VWA8: variants seen among roughly 807,000 people sequenced by gnomAD.
VWA8 encodes the protein von Willebrand factor A domain-containing protein 8.
In VWA8, 221 loss-of-function variants were observed where a neutral mutation model predicts 241.5. The ratio of observed to expected loss-of-function variants is 0.91; its 90% CI spans 0.82 to 1.02. The LOEUF (loss-of-function observed/expected upper bound fraction) is 1.02. Among genes scored for constraint, VWA8 ranks in the 50% least tolerant of loss-of-function variants. The probability of loss-of-function intolerance (pLI) is 0.00; values close to 1 mark genes in which losing one functional copy is unlikely to be tolerated. For missense variants in VWA8, 2,322 were observed against 2,328.7 expected, an observed-to-expected ratio of 1.00 and a Z score of 0.06; for synonymous variants, 852 against 827.1, an observed-to-expected ratio of 1.03 and a Z score of -0.52.
chr13:41,912,165 G>A lies in VWA8; in HGVS notation c.245C>T (p.Ser82Leu). 1 of 1,583,920 alleles carries A rather than the reference G, an allele frequency of 6.3e-7. No individual in the cohort carries two copies. The highest frequency in any genetic ancestry group is 1.2e-5 in the South Asian group (1 of 84,584). Residue 82 changes from serine to leucine, a missense_variant, in exon 3 of 45, where the codon TCA becomes TTA. Transcript: ENST00000379310. Reference sequence around the variant, plus strand: ...AACTACAGATTGAGCCAGAGAGTCTGAAACTATAAAGAAAAAAGAGAAAAT... The same window carrying A: ...AACTACAGATTGAGCCAGAGAGTCTAAAACTATAAAGAAAAAAGAGAAAAT... ...NPELVPQNYI[S>L]DSLAQSVVQH... is the part of the protein sequence containing the mutation.
intron 2 of VWA8, among the ~76,000 whole-genome samples, chr13:41,930,878 C>T (rs892110231): frequency 5.9e-5 from 9 of 152,096 alleles, no homozygotes; most frequent in East Asian, 1.9e-4. Flanking sequence ...AGGCCAGGCA[C>T]GGTGGCTCAC....
In VWA8 at chr13:41,864,555, T is replaced by A. The variant is rs572513962; in HGVS notation, c.1425+1181A>T. 3.9e-4 allele frequency: 164 copies of A among 415,786 alleles called. 4 individuals carry two copies. The highest frequency in any genetic ancestry group is 2.8e-3 in the South Asian group (155 of 55,930). 25.8% of individuals were successfully genotyped at this position (415,786 alleles called of 1,614,324 possible). On this transcript the variant is annotated intron_variant, in intron 12 of 44. Coordinates refer to ENST00000379310, the MANE Select transcript of VWA8 (RefSeq NM_015058.2). ...ACATGGATAAATCTTGAAAACATTA[T>A]GGTAAGTAAAATAAACTAGACAAGA...
intron 37 of VWA8, among the ~76,000 whole-genome samples, chr13:41,638,136 G>A (rs1292204135): frequency 1.3e-5 from 2 of 152,176 alleles, no homozygotes; most frequent in Non-Finnish European, 1.5e-5. Flanking sequence ...TGCATCTACA[G>A]AATGAAGGGA....
intron 21 of VWA8, among the ~76,000 whole-genome samples, chr13:41,749,975 T>G (rs1401780876): frequency 6.6e-6 from 1 of 152,022 alleles, no homozygotes; most frequent in African/African-American, 2.4e-5. Flanking sequence ...TATACATATG[T>G]AACAAACCTG....
intron 17 of VWA8, among the ~76,000 whole-genome samples, chr13:41,797,870 G>T (rs1869775457): frequency 6.6e-6 from 1 of 151,974 alleles, no homozygotes; most frequent in African/African-American, 2.4e-5. Context: ...ATCTCTAACT[G>T]TTATCTGGAA....
intron 37 of VWA8, among the ~76,000 whole-genome samples, chr13:41,663,781 A>T (rs2044968169): frequency 6.6e-6 from 1 of 151,724 alleles, no homozygotes; most frequent in South Asian, 2.1e-4. Flanking sequence ...TCAATTTAAC[A>T]ATTTTTCTAC....
chr13:41,886,806 T>C lies in VWA8; in HGVS notation c.841A>G (p.Ile281Val), dbSNP rs757262503. The change falls in exon 7 of 45, where the codon ATT becomes GTT. Residue 281 changes from isoleucine (I) to valine (V), a missense_variant. Physicochemically the swap from Ile to Val is conservative, Grantham distance 29 (BLOSUM62 3). Coordinates refer to ENST00000379310, the MANE Select transcript of VWA8 (RefSeq NM_015058.2). ...FKDQLKLLYS[I>V]GANVSAEKVS... ...TTCTCAGCAGAAACATTGGCTCCAA[T>C]TGAATATAACAACTTAAGTTGGTCC... 6.3e-6 allele frequency: 10 copies of C among 1,593,212 alleles called. No homozygotes were observed. Among genetic ancestry groups the C allele is most frequent in the South Asian group, 2.3e-5 (2 of 86,324 alleles).
intron 2 of VWA8, among the ~76,000 whole-genome samples, chr13:41,941,790 A>G (rs1877612394): frequency 6.6e-6 from 1 of 152,210 alleles, no homozygotes. Context: ...TCATTATAAT[A>G]TATCTGTGAA....
In VWA8 at chr13:41,573,527, G is replaced by GTATA. The variant is rs71086586; in HGVS notation, c.5370+2209_5370+2212dup. On this transcript the variant is annotated intron_variant, in intron 43 of 44. Transcript: ENST00000379310. ...TATATACCTCTCTCTATATATACGT[G>GTATA]TATATATATATACGTATATATAAAA... is the stretch of plus-strand genomic sequence containing the variant. Among the ~76,000 whole-genome samples the GTATA allele has an allele frequency of 3.2e-3, 426 of 134,298 alleles. 2 individuals carry two copies. The highest frequency in any genetic ancestry group is 0.012 in the African/African-American group (398 of 33,624). The allele number at this position is 134,298 out of a possible 152,430, so 88.1% of individuals were successfully genotyped here. A position where few individuals can be genotyped will look rare whatever the true frequency, so the allele number is the denominator to read the frequency against.
Position 41,638,461 on chromosome 13 carries a change from T to C in VWA8, c.4612-23377A>G, listed in dbSNP as rs114976315. Reference sequence around the variant, plus strand: ...AGGGCTCAGGGGAGAAATGAATCAGTGAAGGAGACTGAGAAGAAGCAGACA... The same window carrying C: ...AGGGCTCAGGGGAGAAATGAATCAGCGAAGGAGACTGAGAAGAAGCAGACA... On this transcript the variant is annotated intron_variant, in intron 37 of 44. Coordinates refer to ENST00000379310, the MANE Select transcript of VWA8 (RefSeq NM_015058.2). Among the ~76,000 whole-genome samples, 174 of 152,062 alleles carry C rather than the reference T, an allele frequency of 1.1e-3. 1 individual carries two copies. The highest frequency in any genetic ancestry group is 4.1e-3 in the African/African-American group (169 of 41,494).
At chr13:41,949,660 T>G (rs897137413) in intron 2 of VWA8, among the ~76,000 whole-genome samples, 4 of 151,918 alleles carry the variant, frequency 2.6e-5, no homozygotes, top group African/African-American at 9.7e-5. Flanking sequence ...TATATGTAAA[T>G]CTTATTCCAG....
chr13:41,943,142 A>G (rs1363638876), intron 2 of VWA8, among the ~76,000 whole-genome samples: 1 of 152,252 alleles, frequency 6.6e-6, no homozygotes, highest in Non-Finnish European at 1.5e-5. Flanking sequence ...CAAATGGACA[A>G]GCAAGAGAAA....
chr13:41,704,593 C>CA (rs1267978775), intron 26 of VWA8, among the ~76,000 whole-genome samples: 2 of 151,902 alleles, frequency 1.3e-5, no homozygotes, highest in Non-Finnish European at 2.9e-5. Context: ...TCCTAAGTAG[C>CA]AGGGACTACA....
intron 20 of VWA8, among the ~76,000 whole-genome samples, chr13:41,762,676 T>C (rs1406531302): frequency 1.3e-5 from 2 of 152,270 alleles, no homozygotes; most frequent in South Asian, 2.1e-4. Context: ...TTTTTACTGG[T>C]ATTTTTACTA....
chr13:41,852,410 G>A (rs1046258824), intron 12 of VWA8, among the ~76,000 whole-genome samples: 3 of 151,988 alleles, frequency 2.0e-5, no homozygotes, highest in Admixed American at 2.0e-4. Context: ...TTGATTGTTG[G>A]CTTTGCTGTG....
intron 4 of VWA8, among the ~76,000 whole-genome samples, chr13:41,900,631 T>G (rs1454746912): frequency 6.6e-6 from 1 of 152,124 alleles, no homozygotes; most frequent in Non-Finnish European, 1.5e-5. Context: ...ATTTACAAAA[T>G]TAGAATATCC....
At chr13:41,690,660 G>C (rs1283914899) in intron 32 of VWA8, among the ~76,000 whole-genome samples, 1 of 152,120 alleles carries the variant, frequency 6.6e-6, no homozygotes, top group Non-Finnish European at 1.5e-5. Context: ...CCTCACAACT[G>C]TAGTCTCCTT....
intron 2 of VWA8, chr13:41,926,728 T>C: frequency 1.9e-6 from 1 of 537,772 alleles, no homozygotes; most frequent in Non-Finnish European, 3.8e-6. Context: ...GCCAGGCCTA[T>C]GATACTGACT....
At chr13:41,780,302 T>C (rs978208975) in intron 19 of VWA8, among the ~76,000 whole-genome samples, 13 of 152,198 alleles carry the variant, frequency 8.5e-5, no homozygotes, top group African/African-American at 2.9e-4. Flanking sequence ...GCAAAACTCC[T>C]CCTCAACTAC....
Sources: gnomAD v4.1 joint callset for allele counts (sites outside exome capture counted in the v4.1 genomes callset) on GRCh38, gnomAD v4.1.1 for gene constraint, MANE v1.5 for transcripts, NCBI Gene and HGNC (gene_info 2026-07-23, HGNC 2026-07-21) for gene names.